The following PARD3 variants were observed in gnomAD, a reference collection of about 807,000 sequenced individuals.
The protein encoded by PARD3 is partitioning defective 3 homolog.
A neutral mutation model predicts 155.4 loss-of-function variants in PARD3; 75 were observed. The ratio of observed to expected loss-of-function variants is 0.48; its 90% CI spans 0.40 to 0.58. PARD3 has a LOEUF of 0.58. Ranked by LOEUF, PARD3 falls within the 20% of genes least tolerant of loss-of-function variation. The pLI, the probability that PARD3 is intolerant of heterozygous loss-of-function variation, is 0.00. For synonymous variants in PARD3, 576 were observed against 610.5 expected, an observed-to-expected ratio of 0.94 and a Z score of 0.83; for missense variants, 1,642 against 1,721.7, an observed-to-expected ratio of 0.95 and a Z score of 0.82.
chr10:34,422,432 T>C (rs1367771692), intron 5 of PARD3, among the ~76,000 whole-genome samples: 1 of 151,734 alleles, frequency 6.6e-6, no homozygotes, highest in African/African-American at 2.4e-5. Context: ...CAAGATTGCA[T>C]CAAACTAAAC....
intron 12 of PARD3, 31 bp from the exon 13 acceptor site, chr10:34,360,290 A>C (rs1158601498): frequency 6.7e-7 from 1 of 1,488,722 alleles, no homozygotes; most frequent in African/African-American, 1.4e-5. Context: ...ACAGCACATT[A>C]TAGTCCAATG....
At chr10:34,249,412 C>T (rs2133722570) in intron 22 of PARD3, among the ~76,000 whole-genome samples, 1 of 152,320 alleles carries the variant, frequency 6.6e-6, no homozygotes, top group Middle Eastern at 3.4e-3. Flanking sequence ...TAATAATATG[C>T]ACTTCATACA....
At chr10:34,554,539 C>G (rs2084840520) in intron 2 of PARD3, among the ~76,000 whole-genome samples, 1 of 152,038 alleles carries the variant, frequency 6.6e-6, no homozygotes, top group Non-Finnish European at 1.5e-5. Flanking sequence ...AAGCTTTATT[C>G]TTAAGTAATT....
At chr10:34,446,397 G>A (rs1259992390) in intron 5 of PARD3, among the ~76,000 whole-genome samples, 3 of 152,010 alleles carry the variant, frequency 2.0e-5, no homozygotes, top group Non-Finnish European at 4.4e-5. Context: ...CTAAGCCTTT[G>A]GCGGGTATTG....
At chr10:34,231,033 A>C (rs1367227449) in intron 22 of PARD3, among the ~76,000 whole-genome samples, 2 of 151,998 alleles carry the variant, frequency 1.3e-5, no homozygotes, top group Non-Finnish European at 2.9e-5. Flanking sequence ...TATCTTAAAA[A>C]AGAAAACCCC....
At chr10:34,625,684 A>G (rs1238852181) in intron 2 of PARD3, among the ~76,000 whole-genome samples, 3 of 152,190 alleles carry the variant, frequency 2.0e-5, no homozygotes, top group Non-Finnish European at 2.9e-5. Context: ...AGGCTGAGGC[A>G]GGTGGATCAC....
intron 8 of PARD3, among the ~76,000 whole-genome samples, chr10:34,383,342 T>C: frequency 6.6e-6 from 1 of 152,056 alleles, no homozygotes; most frequent in East Asian, 1.9e-4. Context: ...TTTATAATTA[T>C]ATTTAGAATA....
intron 3 of PARD3, among the ~76,000 whole-genome samples, chr10:34,510,257 A>C (rs1045755677): frequency 6.6e-6 from 1 of 152,150 alleles, no homozygotes; most frequent in Non-Finnish European, 1.5e-5. Context: ...AGCAGTTTCC[A>C]ATCAGAGCAC....
intron 1 of PARD3, among the ~76,000 whole-genome samples, chr10:34,746,266 G>C (rs1835320589): frequency 6.6e-6 from 1 of 151,332 alleles, no homozygotes; most frequent in South Asian, 2.1e-4. Context: ...AACAAAGTGA[G>C]ATTCTGTCTC....
intron 22 of PARD3, among the ~76,000 whole-genome samples, chr10:34,170,385 C>G (rs1044455286): frequency 1.2e-4 from 19 of 152,156 alleles, no homozygotes; most frequent in Admixed American, 6.6e-5. Flanking sequence ...CATGCCTGGC[C>G]CTTAGGAAAC....
chr10:34,278,027 T>G (rs1283463376), intron 21 of PARD3, among the ~76,000 whole-genome samples: 1 of 152,160 alleles, frequency 6.6e-6, no homozygotes, highest in African/African-American at 2.4e-5. Context: ...AATCATCTAT[T>G]TTAACAATTG....
At chr10:34,576,071 T>C (rs1371236952) in intron 2 of PARD3, among the ~76,000 whole-genome samples, 1 of 152,146 alleles carries the variant, frequency 6.6e-6, no homozygotes, top group Admixed American at 6.5e-5. Flanking sequence ...TTATGTGCAG[T>C]CTTGAATGAA....
At chr10:34,782,077 T>A (rs561375260) in intron 1 of PARD3, among the ~76,000 whole-genome samples, 58 of 152,262 alleles carry the variant, frequency 3.8e-4, no homozygotes, top group Admixed American at 8.5e-4. Flanking sequence ...AGTAAGGAAG[T>A]GCACTTTGAC....
chr10:34,567,708 T>G (rs182392805), intron 2 of PARD3, among the ~76,000 whole-genome samples: 33 of 152,362 alleles, frequency 2.2e-4, no homozygotes, highest in Admixed American at 5.9e-4. Flanking sequence ...TTTAAAGTAG[T>G]AATGACATTA....
intron 2 of PARD3, among the ~76,000 whole-genome samples, chr10:34,526,106 A>T (rs899464573): frequency 4.7e-5 from 6 of 127,996 alleles, no homozygotes; most frequent in Non-Finnish European, 8.1e-5. Context: ...AAAAAAAAAA[A>T]TCCAACACCA....
intron 22 of PARD3, among the ~76,000 whole-genome samples, chr10:34,137,077 G>C (rs760771729): frequency 6.6e-6 from 1 of 152,082 alleles, no homozygotes; most frequent in Non-Finnish European, 1.5e-5. Flanking sequence ...CCTTGAATGT[G>C]GACAGAACCC....
At chr10:34,176,959 G>C (rs914565178) in intron 22 of PARD3, among the ~76,000 whole-genome samples, 1 of 151,738 alleles carries the variant, frequency 6.6e-6, no homozygotes. Context: ...GTGTGTGTGT[G>C]TGTGTGTGTG....
intron 4 of PARD3, among the ~76,000 whole-genome samples, chr10:34,454,225 C>T (rs1357288996): frequency 6.6e-6 from 1 of 152,078 alleles, no homozygotes; most frequent in Non-Finnish European, 1.5e-5. Flanking sequence ...AGTTCACCGT[C>T]TACTGCATAC....
At chr10:34,160,324 A>G (rs368984695) in intron 22 of PARD3, among the ~76,000 whole-genome samples, 47 of 152,322 alleles carry the variant, frequency 3.1e-4, no homozygotes, top group Admixed American at 2.0e-3. Flanking sequence ...CACACTGCAC[A>G]CTCATGTAGA....
Sources: gnomAD v4.1 joint callset for allele counts (sites outside exome capture counted in the v4.1 genomes callset) on GRCh38, gnomAD v4.1.1 for gene constraint, MANE v1.5 for transcripts, NCBI Gene and HGNC (gene_info 2026-07-23, HGNC 2026-07-21) for gene names.